Variants in ARHGEF7 observed in about 807,000 individuals in gnomAD.
ARHGEF7 encodes Rho guanine nucleotide exchange factor 7, also known as PAK-interacting exchange factor beta.
ARHGEF7 carries 33 observed loss-of-function variants against 109.8 expected under a neutral mutation model. The ratio of observed to expected loss-of-function variants is 0.30; its 90% CI spans 0.23 to 0.40. The LOEUF (loss-of-function observed/expected upper bound fraction) is 0.40. Ranked by LOEUF, ARHGEF7 falls within the 10% of genes least tolerant of loss-of-function variation. ARHGEF7 has a pLI of 1.00. For missense variants in ARHGEF7, 938 were observed against 1,098.5 expected (o/e 0.85, Z 2.07); for synonymous variants, 458 against 424.6 (o/e 1.08, Z -0.97).
At chr13:111,139,744 G>A (rs2075263889) in intron 1 of ARHGEF7, among the ~76,000 whole-genome samples, 1 of 152,232 alleles carries the variant, frequency 6.6e-6, no homozygotes, top group Non-Finnish European at 1.5e-5. Flanking sequence ...TGTAACCAGA[G>A]CTTGCTCTGG....
At chr13:111,174,320 C>T (rs1395321444) in intron 2 of ARHGEF7, among the ~76,000 whole-genome samples, 1 of 152,166 alleles carries the variant, frequency 6.6e-6, no homozygotes, top group Non-Finnish European at 1.5e-5. Flanking sequence ...GACGGCAGTG[C>T]CTGTGGAATC....
At chr13:111,288,038 T>C (rs1311042862) in intron 17 of ARHGEF7, among the ~76,000 whole-genome samples, 2 of 152,274 alleles carry the variant, frequency 1.3e-5, no homozygotes, top group Non-Finnish European at 2.9e-5. Flanking sequence ...GACTTCCTTA[T>C]TCCTATCTCC....
At chr13:111,153,673 G>A (rs1293127042) in intron 1 of ARHGEF7, 4 of 1,242,184 alleles carry the variant, frequency 3.2e-6, no homozygotes, top group Non-Finnish European at 4.0e-6. Flanking sequence ...CTCACTTCCT[G>A]GTGCGGGAAG....
chr13:111,285,858 C>T (rs2092997601), intron 16 of ARHGEF7, among the ~76,000 whole-genome samples: 1 of 152,032 alleles, frequency 6.6e-6, no homozygotes, highest in Non-Finnish European at 1.5e-5. Flanking sequence ...AGCCTGCCTC[C>T]TGGTGACACC....
intron 8 of ARHGEF7, chr13:111,265,416 T>G (rs1595344753): frequency 1.4e-5 from 5 of 359,156 alleles, no homozygotes; most frequent in South Asian, 1.0e-4. Context: ...GAGTGCTCTG[T>G]GTTTTGAACA....
At chr13:111,212,659 G>A (rs1168707990) in intron 4 of ARHGEF7, among the ~76,000 whole-genome samples, 1 of 152,178 alleles carries the variant, frequency 6.6e-6, no homozygotes. Context: ...GCACAGTCCT[G>A]ATGCTGGCAG....
intron 2 of ARHGEF7, among the ~76,000 whole-genome samples, chr13:111,195,454 C>T (rs1037331288): frequency 3.9e-5 from 6 of 152,180 alleles, no homozygotes; most frequent in East Asian, 1.9e-4. Context: ...CAGGATTCCT[C>T]GGATGGTAAC....
intron 6 of ARHGEF7, among the ~76,000 whole-genome samples, chr13:111,233,587 A>G (rs1233501092): frequency 1.3e-5 from 2 of 152,250 alleles, no homozygotes; most frequent in Non-Finnish European, 2.9e-5. Context: ...CAAAAATGAT[A>G]TTTGAAAAAA....
intron 2 of ARHGEF7, among the ~76,000 whole-genome samples, chr13:111,199,484 C>A (rs1012770128): frequency 5.3e-5 from 8 of 152,258 alleles, no homozygotes; most frequent in African/African-American, 1.9e-4. Context: ...TATAAGCTCC[C>A]TGATGTTGCC....
chr13:111,269,310 G>T (rs2091944170), intron 9 of ARHGEF7, among the ~76,000 whole-genome samples: 1 of 150,922 alleles, frequency 6.6e-6, no homozygotes, highest in Non-Finnish European at 1.5e-5. Flanking sequence ...AAGAATTGTT[G>T]ATGGAGTCAT....
chr13:111,149,945 G>T (rs901713966), intron 1 of ARHGEF7, among the ~76,000 whole-genome samples: 2 of 152,222 alleles, frequency 1.3e-5, no homozygotes, highest in African/African-American at 4.8e-5. Context: ...GATGGTCAGT[G>T]AGTGCACTGT....
At chr13:111,140,861 T>C (rs1312004758) in intron 1 of ARHGEF7, among the ~76,000 whole-genome samples, 7 of 152,132 alleles carry the variant, frequency 4.6e-5, no homozygotes, top group Non-Finnish European at 1.0e-4. Context: ...AATGTTTTTA[T>C]AGAGACAGGG....
At chr13:111,271,625 T>C (rs1186571930) in intron 9 of ARHGEF7, among the ~76,000 whole-genome samples, 1 of 152,224 alleles carries the variant, frequency 6.6e-6, no homozygotes, top group African/African-American at 2.4e-5. Flanking sequence ...AAAGTGCACT[T>C]GCTCTCGTGC....
intron 4 of ARHGEF7, among the ~76,000 whole-genome samples, chr13:111,210,772 C>T (rs1216912348): frequency 2.6e-5 from 4 of 152,128 alleles, no homozygotes; most frequent in Non-Finnish European, 5.9e-5. Context: ...TGCTTTCTCG[C>T]GACAGTACAT....
At chr13:111,284,873 A>G (rs1291333553) in intron 16 of ARHGEF7, among the ~76,000 whole-genome samples, 2 of 152,198 alleles carry the variant, frequency 1.3e-5, no homozygotes, top group Non-Finnish European at 2.9e-5. Context: ...GTGCCCTCGG[A>G]GCACGTGAGG....
chr13:111,158,892 T>C, intron 2 of ARHGEF7: 1 of 612,550 alleles, frequency 1.6e-6, no homozygotes, highest in Non-Finnish European at 3.0e-6. Context: ...ATCTAATCTT[T>C]TAGCAATTTT....
intron 2 of ARHGEF7, among the ~76,000 whole-genome samples, chr13:111,192,206 A>G (rs1274685339): frequency 6.6e-6 from 1 of 152,110 alleles, no homozygotes; most frequent in Non-Finnish European, 1.5e-5. Context: ...CGGGTGTCCA[A>G]AATTTAACTC....
intron 4 of ARHGEF7, among the ~76,000 whole-genome samples, chr13:111,216,856 C>T (rs1452810120): frequency 1.3e-5 from 2 of 152,202 alleles, no homozygotes; most frequent in Non-Finnish European, 2.9e-5. Context: ...GAGCTCTGTC[C>T]GGGGCAGATG....
At chr13:111,295,154 A>C (rs954850731) in intron 19 of ARHGEF7, 9 of 985,694 alleles carry the variant, frequency 9.1e-6, no homozygotes, top group Non-Finnish European at 1.1e-5. Context: ...ATTAAAAAAA[A>C]CCTGTTATGT....
Sources: gnomAD v4.1 joint callset for allele counts (sites outside exome capture counted in the v4.1 genomes callset) on GRCh38, gnomAD v4.1.1 for gene constraint, MANE v1.5 for transcripts, NCBI Gene and HGNC (gene_info 2026-07-23, HGNC 2026-07-21) for gene names.